The following SP1 variants were observed in gnomAD, a reference collection of about 807,000 sequenced individuals.
SP1 encodes Sp1 transcription factor.
SP1 carries 6 observed loss-of-function variants against 66.3 expected under a neutral mutation model. That is an observed-to-expected ratio of 0.09 (90% CI 0.05 to 0.18). The LOEUF (loss-of-function observed/expected upper bound fraction) is 0.18, where lower values mean the gene tolerates loss of function less well. Among genes scored for constraint, SP1 ranks in the 10% least tolerant of loss-of-function variants. The probability of loss-of-function intolerance (pLI) is 1.00; values close to 1 mark genes in which losing one functional copy is unlikely to be tolerated. For synonymous variants in SP1, 417 were observed against 360.8 expected (o/e 1.16, Z -1.77); for missense variants, 848 against 964.5 (o/e 0.88, Z 1.60).
At chr12:53,391,782 A>G (rs1480105790) in intron 3 of SP1, among the ~76,000 whole-genome samples, 6 of 150,262 alleles carry the variant, frequency 4.0e-5, no homozygotes, top group Non-Finnish European at 8.9e-5. Context: ...CCCGGTGTCT[A>G]TTGTTGCCAT....
intron 3 of SP1, among the ~76,000 whole-genome samples, chr12:53,401,556 G>C (rs1938612154): frequency 6.6e-6 from 1 of 151,646 alleles, no homozygotes; most frequent in African/African-American, 2.4e-5. Context: ...AAACTGCAGA[G>C]TCAAGAAAAT....
At chr12:53,404,457 G>A (rs939875593) in intron 3 of SP1, among the ~76,000 whole-genome samples, 2 of 150,968 alleles carry the variant, frequency 1.3e-5, no homozygotes, top group South Asian at 4.2e-4. Flanking sequence ...CAGGAAAATC[G>A]CTTGAACCCA....
chr12:53,382,878 G>A lies in SP1; in HGVS notation c.931G>A (p.Val311Ile). 4 of 1,614,140 alleles carry A rather than the reference G, an allele frequency of 2.5e-6. No homozygotes were observed. Among genetic ancestry groups the A allele is most frequent in the Non-Finnish European group, 3.4e-6 (4 of 1,180,020 alleles). ...GACTACCATCAGTTCTGCCAGCTTG[G>A]TATCATCACAAGCCAGTTCCAGCTC... ...SGTTISSASLVSSQASSSSFF... is the reference protein window; with the variant it reads ...SGTTISSASLISSQASSSSFF... Residue 311 changes from valine to isoleucine, a missense_variant, in exon 3 of 6, where the codon GTA becomes ATA. Val to Ile is a conservative substitution (Grantham distance 29). This residue lies in a region of SP1 where 606 missense variants were observed against 589.9 expected (regional missense o/e 1.03). Coordinates refer to ENST00000327443, the MANE Select transcript of SP1 (RefSeq NM_138473.3).
chr12:53,391,629 T>A (rs1405288156), intron 3 of SP1, among the ~76,000 whole-genome samples: 4 of 152,066 alleles, frequency 2.6e-5, no homozygotes, highest in Admixed American at 6.6e-5. Flanking sequence ...AGCCTTTTTT[T>A]AAGTAATTTC....
chr12:53,386,228 C>A (rs1938226869), intron 3 of SP1, among the ~76,000 whole-genome samples: 1 of 151,772 alleles, frequency 6.6e-6, no homozygotes, highest in Non-Finnish European at 1.5e-5. Flanking sequence ...TCCTAGACTG[C>A]TTTGAAAGTA....
In SP1 at chr12:53,415,215, G is replaced by A. The variant is rs1167947944; in HGVS notation, c.*3975G>A. 1 of 152,488 alleles carries A rather than the reference G, an allele frequency of 6.6e-6. No homozygotes were observed. The highest frequency in any genetic ancestry group is 2.4e-5 in the African/African-American group (1 of 41,408). The allele number at this position is 152,488 out of a possible 1,614,324, so 9.4% of individuals were successfully genotyped here. On this transcript the variant is annotated 3_prime_UTR_variant, in exon 6 of 6. Coordinates refer to ENST00000327443, the MANE Select transcript of SP1 (RefSeq NM_138473.3). ...TGTTTGGGAGACTGTGCTCTCTGTG[G>A]TGCCTCTCTTGGCTCTACTCCACAG...
At position 53,400,374 on chromosome 12, in the gene SP1, A is replaced by G. The variant is rs975961856; in HGVS notation, c.1676-6211A>G. On this transcript the variant is annotated intron_variant, in intron 3 of 5. Transcript: ENST00000327443. The stretch of plus-strand genomic sequence containing the variant: ...TTTTTTTATTGCCAAATAATATTTC[A>G]TTGTGTATATATACCACATTTTGTT... 2.0e-5 allele frequency among the ~76,000 whole-genome samples: 3 copies of G among 151,680 alleles called. No homozygotes were observed. In the East Asian group the frequency reaches 5.8e-4, roughly 29 times the overall value.
chr12:53,386,981 T>C (rs1938245329), intron 3 of SP1, among the ~76,000 whole-genome samples: 1 of 146,904 alleles, frequency 6.8e-6, no homozygotes, highest in Non-Finnish European at 1.5e-5. Context: ...GGACTGACTC[T>C]AGCTTGTCTC....
chr12:53,396,395 CCGTCTCTACTAAAAATACAAAAATT>C (rs751997230), intron 3 of SP1, among the ~76,000 whole-genome samples: 25 of 151,860 alleles, frequency 1.6e-4, no homozygotes, highest in Non-Finnish European at 2.2e-4. Flanking sequence ...TGGTAAAACC[CCGTCTCTACTAAAAATACAAAAATT>C]ACCCGGGCAT....
At chr12:53,392,038 T>A (rs1221341860) in intron 3 of SP1, among the ~76,000 whole-genome samples, 1 of 152,164 alleles carries the variant, frequency 6.6e-6, no homozygotes. Context: ...GTCCTTTTGT[T>A]CCAGTGTTTT....
intron 1 of SP1, 67 bp downstream of exon 1, chr12:53,380,365 C>G (rs1028657578): frequency 3.1e-6 from 4 of 1,306,698 alleles, no homozygotes; most frequent in African/African-American, 1.5e-5. Flanking sequence ...GAGGGCCGAC[C>G]GGGCGATCCC....
chr12:53,385,375 C>CA (rs1478895415), intron 3 of SP1, among the ~76,000 whole-genome samples: 3 of 150,708 alleles, frequency 2.0e-5, no homozygotes, highest in Non-Finnish European at 4.4e-5. Context: ...GCGGGTGGAT[C>CA]ACAAGGTCAA....
chr12:53,386,885 C>T (rs1159539807), intron 3 of SP1, among the ~76,000 whole-genome samples: 2 of 150,286 alleles, frequency 1.3e-5, no homozygotes, highest in African/African-American at 4.9e-5. Flanking sequence ...CACAATTATA[C>T]AAATACGGAA....
rs112117675 is a variant in SP1, at chr12:53,381,882, C to T, written c.162+69C>T. ...AATATTCTTAGATAATTGCCTTACT[C>T]TTCACAGAAAGCGTTTTAGGGAGAG... is the stretch of plus-strand genomic sequence containing the variant. On this transcript the variant is annotated intron_variant, in intron 2 of 5. Transcript: ENST00000327443. 1.3e-4 allele frequency: 204 copies of T among 1,530,448 alleles called. 1 individual carries two copies. In the African/African-American group the frequency reaches 2.0e-3, roughly 15 times the overall value. The allele number at this position is 1,530,448 out of a possible 1,614,324, so 94.8% of individuals were successfully genotyped here.
intron 4 of SP1, among the ~76,000 whole-genome samples, chr12:53,407,936 G>A (rs1204812213): frequency 1.6e-4 from 23 of 145,968 alleles, no homozygotes; most frequent in Non-Finnish European, 3.2e-4. Context: ...GGGGCGCCCG[G>A]CCTTTTTTTT....
chr12:53,411,179 G>T lies in SP1; in HGVS notation c.2297G>T (p.Gly766Val), dbSNP rs748677271. 2 of 1,613,964 alleles carry T rather than the reference G, an allele frequency of 1.2e-6. No homozygotes were observed. The change falls in exon 6 of 6, where the codon GGC becomes GTC. Residue 766 changes from glycine to valine, a missense_variant. Transcript: ENST00000327443. ...GGCATTGCCCGTCTTGCCAACAGTG[G>T]CATCAACGTCATGCAGGTGGCAGAT... ...PEGIARLANS[G>V]INVMQVADLQ...
At chr12:53,386,008 G>A (rs1428314379) in intron 3 of SP1, among the ~76,000 whole-genome samples, 1 of 152,112 alleles carries the variant, frequency 6.6e-6, no homozygotes. Flanking sequence ...CCTAATTGAA[G>A]GGAAAATGAT....
Position 53,382,831 on chromosome 12 carries a change from G to T in SP1, c.884G>T (p.Gly295Val), listed in dbSNP as rs1459889132. The T allele has an allele frequency of 6.2e-7, 1 of 1,614,018 alleles. No individual in the cohort carries two copies. Among genetic ancestry groups the T allele is most frequent in the African/African-American group, 1.3e-5 (1 of 74,918 alleles). Residue 295 changes from glycine to valine, a missense_variant, in exon 3 of 6, where the codon GGC (glycine) becomes GTC (valine). Gly to Val is a moderately radical substitution (Grantham distance 109). Transcript: ENST00000327443. ...TISSSGSQES[G>V]SQPVTSGTTI... Reference sequence around the variant, plus strand: ...AGCAGCTCTGGGTCCCAGGAGAGTGGCTCACAGCCTGTCACCTCAGGGACT... The same window carrying T: ...AGCAGCTCTGGGTCCCAGGAGAGTGTCTCACAGCCTGTCACCTCAGGGACT...
chr12:53,408,232 TGA>T (rs1938793619), intron 4 of SP1, among the ~76,000 whole-genome samples: 2 of 122,798 alleles, frequency 1.6e-5, no homozygotes, highest in African/African-American at 6.0e-5. Context: ...GGCGACAGAG[TGA>T]GACTCTGTCT....
Sources: gnomAD v4.1 joint callset for allele counts (sites outside exome capture counted in the v4.1 genomes callset) on GRCh38, gnomAD v4.1.1 for gene constraint, gnomAD v4.1.1 regional missense constraint, MANE v1.5 for transcripts, NCBI Gene and HGNC (gene_info 2026-07-23, HGNC 2026-07-21) for gene names.